Variants in CIMIP2A observed in about 807,000 individuals in gnomAD.
CIMIP2A encodes family with sequence similarity 166 member A.
At chr9:137,254,483 G>A in the CIMIP2A span, among the ~76,000 whole-genome samples, 1 of 152,240 alleles carries the variant, frequency 6.6e-6, no homozygotes. Context: ...AAGATGGAGC[G>A]ATCTCCTCCA....
the CIMIP2A span, chr9:137,251,802 C>G: frequency 6.3e-7 from 1 of 1,598,640 alleles, no homozygotes; most frequent in Non-Finnish European, 8.5e-7. Context: ...GACACAGCCC[C>G]CAAAGATGAA....
chr9:137,252,423 T>C, the CIMIP2A span: 42 of 1,606,838 alleles, frequency 2.6e-5, no homozygotes, highest in South Asian at 3.4e-5. Flanking sequence ...TCTCTCTCCA[T>C]CCTCCAACTA....
chr9:137,246,661 G>T, the CIMIP2A span, among the ~76,000 whole-genome samples: 1 of 152,280 alleles, frequency 6.6e-6, no homozygotes, highest in Non-Finnish European at 1.5e-5. Context: ...TGCTCGGGAG[G>T]CTGAGGCAGG....
the CIMIP2A span, chr9:137,244,828 G>A: frequency 6.4e-7 from 1 of 1,573,152 alleles, no homozygotes; most frequent in South Asian, 1.1e-5. Flanking sequence ...GGGAAGCCAG[G>A]CAAGGCTCCC....
At chr9:137,244,725 A>G in the CIMIP2A span, 4 of 1,613,016 alleles carry the variant, frequency 2.5e-6, no homozygotes, top group African/African-American at 4.0e-5. Context: ...CGGGGAATGA[A>G]GCCAGCATAG....
the CIMIP2A span, chr9:137,252,551 G>A: frequency 3.0e-5 from 46 of 1,537,182 alleles, no homozygotes; most frequent in Admixed American, 5.8e-5. Flanking sequence ...GGAAGGGGGC[G>A]GGGAGTCCAC....
At chr9:137,254,110 ACCTCCCCAGGT>A in the CIMIP2A span, among the ~76,000 whole-genome samples, 1 of 151,838 alleles carries the variant, frequency 6.6e-6, no homozygotes, top group African/African-American at 2.4e-5. Flanking sequence ...CGTCACCCGC[ACCTCCCCAGGT>A]CCTCCCCAGA....
the CIMIP2A span, among the ~76,000 whole-genome samples, chr9:137,249,339 C>G: frequency 1.3e-5 from 2 of 152,164 alleles, no homozygotes; most frequent in Non-Finnish European, 2.9e-5. Flanking sequence ...TGGTATGGAT[C>G]ACGTCCATAC....
At chr9:137,252,531 G>C in the CIMIP2A span, 2 of 1,586,478 alleles carry the variant, frequency 1.3e-6, no homozygotes, top group Non-Finnish European at 1.7e-6. Context: ...AAAAGGTTGG[G>C]GGCTGGGCAG....
chr9:137,252,838 G>A, the CIMIP2A span: 3 of 1,572,846 alleles, frequency 1.9e-6, no homozygotes, highest in Admixed American at 1.8e-5. Flanking sequence ...CCTCTTTGCA[G>A]GCACCTGGCA....
At chr9:137,245,829 C>G in the CIMIP2A span, 2 of 1,507,750 alleles carry the variant, frequency 1.3e-6, no homozygotes, top group Non-Finnish European at 1.8e-6. Flanking sequence ...CCTGGTAGCG[C>G]AGCTGCGGAA....
chr9:137,251,865 C>T, the CIMIP2A span: 1 of 1,608,164 alleles, frequency 6.2e-7, no homozygotes, highest in South Asian at 1.1e-5. Flanking sequence ...GGAGTCCCTG[C>T]CCACCTACAC....
chr9:137,252,642 C>CCT, the CIMIP2A span: 1,122,220 of 1,532,510 alleles, frequency 0.73, 414,097 homozygotes, highest in Admixed American at 0.79. Context: ...CCCTGCAGCC[C>CCT]GTCTCCTACC....
chr9:137,245,866 GAGA>G, the CIMIP2A span: 9 of 1,497,360 alleles, frequency 6.0e-6, no homozygotes, highest in East Asian at 4.6e-5. Flanking sequence ...GTGGAGGGAA[GAGA>G]AGAAGGCAGG....
the CIMIP2A span, among the ~76,000 whole-genome samples, chr9:137,253,979 C>T: frequency 1.3e-5 from 2 of 152,202 alleles, no homozygotes; most frequent in Non-Finnish European, 2.9e-5. Flanking sequence ...CTGCTGGGAC[C>T]CTGCACTGCC....
chr9:137,244,756 C>G, the CIMIP2A span: 68 of 1,608,898 alleles, frequency 4.2e-5, no homozygotes, highest in Non-Finnish European at 5.6e-5. Flanking sequence ...GGCAGATGTA[C>G]GGGCTACCCC....
the CIMIP2A span, chr9:137,251,668 G>T: frequency 6.6e-7 from 1 of 1,514,336 alleles, no homozygotes; most frequent in Admixed American, 2.0e-5. Flanking sequence ...ACAATAGAGG[G>T]GACAGGCTGT....
the CIMIP2A span, chr9:137,244,250 C>T: frequency 6.2e-7 from 1 of 1,613,864 alleles, no homozygotes; most frequent in Non-Finnish European, 8.5e-7. Context: ...TTCCAGGCAG[C>T]TTCTCGCCCA....
chr9:137,245,104 G>A, the CIMIP2A span: 180 of 1,609,092 alleles, frequency 1.1e-4, no homozygotes, highest in Admixed American at 1.9e-4. Flanking sequence ...ATGGCCTTGC[G>A]TTGGATTAGG....
Sources: gnomAD v4.1 joint callset for allele counts (sites outside exome capture counted in the v4.1 genomes callset) on GRCh38, gnomAD v4.1.1 for gene constraint, MANE v1.5 for transcripts, NCBI Gene and HGNC (gene_info 2026-07-23, HGNC 2026-07-21) for gene names.